SNX25: variants seen among roughly 807,000 people sequenced by gnomAD.
SNX25 encodes sorting nexin-25.
Under a neutral mutation model 113.7 loss-of-function variants are expected in SNX25, and 62 were observed. The ratio of observed to expected loss-of-function variants is 0.55; its 90% CI spans 0.44 to 0.67. The LOEUF is 0.67. Among genes scored for constraint, SNX25 ranks in the 30% least tolerant of loss-of-function variants. The probability of loss-of-function intolerance (pLI) is 0.00; values close to 1 mark genes in which losing one functional copy is unlikely to be tolerated. For synonymous variants in SNX25, 421 were observed against 436.2 expected, an observed-to-expected ratio of 0.97 and a Z score of 0.43; for missense variants, 1,014 against 1,161.0, an observed-to-expected ratio of 0.87 and a Z score of 1.84.
intron 5 of SNX25, among the ~76,000 whole-genome samples, chr4:185,273,952 T>C (rs1164950028): frequency 6.6e-6 from 1 of 152,084 alleles, no homozygotes; most frequent in Non-Finnish European, 1.5e-5. Flanking sequence ...CCTGAGAGTA[T>C]AGTCCAGAGT....
intron 11 of SNX25, 112 bp from the exon 12 acceptor site, chr4:185,341,864 T>C: frequency 8.9e-7 from 1 of 1,122,920 alleles, no homozygotes; most frequent in Non-Finnish European, 1.2e-6. Context: ...CCAGGGATCC[T>C]GCAAGGTACA....
At chr4:185,336,819 A>G (rs958978262) in intron 10 of SNX25, among the ~76,000 whole-genome samples, 3 of 152,138 alleles carry the variant, frequency 2.0e-5, no homozygotes, top group Non-Finnish European at 4.4e-5. Flanking sequence ...CTACTCCTAC[A>G]TCTACTATCT....
At chr4:185,374,261 T>C (rs1484961190), downstream of SNX25, 6 of 1,613,996 alleles carry the variant, frequency 3.7e-6, no homozygotes, top group Admixed American at 1.0e-4. Flanking sequence ...AAGTGAGGCA[T>C]GTTATTCTCG....
chr4:185,302,767 A>G (rs1579698943), intron 6 of SNX25, among the ~76,000 whole-genome samples: 1 of 152,138 alleles, frequency 6.6e-6, no homozygotes, highest in South Asian at 2.1e-4. Flanking sequence ...GTTAGAGCCA[A>G]CCACCTCTCA....
intron 1 of SNX25, among the ~76,000 whole-genome samples, chr4:185,237,150 A>AGG (rs72229810): frequency 6.6e-6 from 1 of 151,768 alleles, no homozygotes; most frequent in African/African-American, 2.4e-5. Context: ...CTTGACTAAG[A>AGG]GGGAAAAAAA....
At chr4:185,314,222 G>A (rs541955646) in intron 7 of SNX25, among the ~76,000 whole-genome samples, 3 of 151,010 alleles carry the variant, frequency 2.0e-5, no homozygotes, top group South Asian at 2.1e-4. Context: ...CAGTGAGGGG[G>A]CTCATGCTGG....
At chr4:185,314,055 AG>A (rs1316978355) in intron 7 of SNX25, among the ~76,000 whole-genome samples, 1 of 152,176 alleles carries the variant, frequency 6.6e-6, no homozygotes, top group African/African-American at 2.4e-5. Flanking sequence ...TTGCTGTGTC[AG>A]GGGCGGCAGA....
At chr4:185,323,246 C>G (rs911935342) in intron 8 of SNX25, among the ~76,000 whole-genome samples, 8 of 152,058 alleles carry the variant, frequency 5.3e-5, no homozygotes, top group Admixed American at 5.2e-4. Context: ...GAAAAGGAAT[C>G]TATTGCAGGA....
At chr4:185,347,682 G>C (rs1013655404) in intron 13 of SNX25, among the ~76,000 whole-genome samples, 1 of 152,068 alleles carries the variant, frequency 6.6e-6, no homozygotes, top group Non-Finnish European at 1.5e-5. Flanking sequence ...TGTTGGTCAG[G>C]TTGGTCTCAA....
At chr4:185,367,666 G>C (rs1345295500), downstream of SNX25, among the ~76,000 whole-genome samples, 4 of 152,014 alleles carry the variant, frequency 2.6e-5, no homozygotes, top group Non-Finnish European at 5.9e-5. Context: ...TAGTGACAAG[G>C]TGCATAATTT....
chr4:185,218,581 C>T (rs1435857784), intron 1 of SNX25, among the ~76,000 whole-genome samples: 1 of 152,212 alleles, frequency 6.6e-6, no homozygotes, highest in Non-Finnish European at 1.5e-5. Context: ...GTATGTTTGT[C>T]AGCCCAGGGT....
intron 1 of SNX25, among the ~76,000 whole-genome samples, chr4:185,221,643 A>T (rs909206993): frequency 6.6e-6 from 1 of 152,126 alleles, no homozygotes; most frequent in African/African-American, 2.4e-5. Flanking sequence ...CCTCTTCAGC[A>T]GCATGTTTGT....
intron 1 of SNX25, among the ~76,000 whole-genome samples, chr4:185,219,312 A>T (rs3112896): frequency 1.3e-5 from 2 of 152,020 alleles, no homozygotes; most frequent in Admixed American, 6.6e-5. Context: ...GTAATCTCAG[A>T]ACTTTGGGAG....
chr4:185,354,708 C>T (rs2095331300), intron 15 of SNX25, among the ~76,000 whole-genome samples: 1 of 152,242 alleles, frequency 6.6e-6, no homozygotes, highest in African/African-American at 2.4e-5. Flanking sequence ...AACTGGACTC[C>T]ATGGCTTAGT....
In SNX25 at chr4:185,229,733, T is replaced by G. The variant is rs1741544939; in HGVS notation, c.430-17561T>G. On this transcript the variant is annotated intron_variant, in intron 1 of 18. Coordinates refer to ENST00000652585, the MANE Select transcript of SNX25 (RefSeq NM_001378034.2). ...TGTTTCTTCTTTAGAGGAGTAGGTT[T>G]TAACCATGTTAAATTTCCAAGAATG... Among the ~76,000 whole-genome samples the G allele has an allele frequency of 2.0e-5, 3 of 152,218 alleles. No individual in the cohort carries two copies. The South Asian group carries it at 6.2e-4, about 32-fold the overall frequency.
intron 1 of SNX25, among the ~76,000 whole-genome samples, chr4:185,219,032 T>G (rs1739354545): frequency 6.6e-6 from 1 of 152,180 alleles, no homozygotes; most frequent in South Asian, 2.1e-4. Context: ...TCAACTTACA[T>G]TCTTCCATTC....
At chr4:185,357,773 C>T in intron 16 of SNX25, 36 bp downstream of exon 16, 1 of 1,551,124 alleles carries the variant, frequency 6.4e-7, no homozygotes, top group Non-Finnish European at 8.9e-7. Flanking sequence ...GATCCATGCC[C>T]TACTCTTTTG....
At chr4:185,280,580 G>GA (rs1171409987) in intron 5 of SNX25, among the ~76,000 whole-genome samples, 1 of 152,182 alleles carries the variant, frequency 6.6e-6, no homozygotes, top group Non-Finnish European at 1.5e-5. Flanking sequence ...TGCAGACTGA[G>GA]AAAGTAAAAT....
At chr4:185,362,526 G>T in intron 17 of SNX25, 85 bp from the exon 18 acceptor site, 1 of 1,319,296 alleles carries the variant, frequency 7.6e-7, no homozygotes, top group Non-Finnish European at 1.1e-6. Flanking sequence ...GACTGAAGGT[G>T]TATAATGTTG....
Sources: gnomAD v4.1 joint callset for allele counts (sites outside exome capture counted in the v4.1 genomes callset) on GRCh38, gnomAD v4.1.1 for gene constraint, MANE v1.5 for transcripts, NCBI Gene and HGNC (gene_info 2026-07-23, HGNC 2026-07-21) for gene names.